Variants in SANBR observed in about 807,000 individuals in gnomAD.
SANBR encodes the protein SANT and BTB domain regulator of class switch recombination.
Under a neutral mutation model 101.8 loss-of-function variants are expected in SANBR, and 77 were observed. The observed-to-expected ratio is 0.76, with a 90% CI of 0.63 to 0.91. The LOEUF is 0.91. Ranked by LOEUF, SANBR falls within the 40% of genes least tolerant of loss-of-function variation. The pLI is 0.00. For missense variants in SANBR, 875 were observed against 853.0 expected, an observed-to-expected ratio of 1.03 and a Z score of -0.32; for synonymous variants, 279 against 274.7, an observed-to-expected ratio of 1.02 and a Z score of -0.15.
At chr2:61,068,509 T>G (rs1681296571) in intron 1 of SANBR, among the ~76,000 whole-genome samples, 1 of 152,204 alleles carries the variant, frequency 6.6e-6, no homozygotes, top group Non-Finnish European at 1.5e-5. Context: ...ATAGTATTAT[T>G]TAATCCTCAC....
In SANBR at chr2:61,071,637, G is replaced by A. The variant is rs939535102; in HGVS notation, c.182G>A (p.Ser61Asn). ...AAAAGGTTTGATGAATTAAAGAGCA[G>A]TGGAAGCTCGCCTGTTGACAACCAG... ...CAKRFDELKSSGSSPVDNQYN... is the reference protein window; with the variant it reads ...CAKRFDELKSNGSSPVDNQYN... The change falls in exon 4 of 22, where the codon AGT (serine) becomes AAT (asparagine). Residue 61 changes from serine to asparagine, a missense_variant. Ser to Asn is a conservative substitution (Grantham distance 46, BLOSUM62 1). Coordinates refer to ENST00000402291, the MANE Select transcript of SANBR (RefSeq NM_001129993.3). 5.5e-5 allele frequency: 86 copies of A among 1,577,338 alleles called. No homozygotes were observed. Among genetic ancestry groups the A allele is most frequent in the Non-Finnish European group, 7.3e-5 (85 of 1,168,592 alleles).
At chr2:61,096,242 C>T (rs1047670832) in intron 11 of SANBR, among the ~76,000 whole-genome samples, 1 of 152,168 alleles carries the variant, frequency 6.6e-6, no homozygotes, top group African/African-American at 2.4e-5. Flanking sequence ...AATGGTGCCC[C>T]CTGCACAGGC....
intron 16 of SANBR, among the ~76,000 whole-genome samples, chr2:61,110,681 A>G (rs1683789175): frequency 1.3e-5 from 2 of 151,942 alleles, no homozygotes; most frequent in African/African-American, 4.8e-5. Flanking sequence ...TCTGTCTCAA[A>G]AAAAAAAAAT....
intron 16 of SANBR, among the ~76,000 whole-genome samples, chr2:61,112,169 G>C (rs895247716): frequency 1.3e-5 from 2 of 152,180 alleles, no homozygotes; most frequent in African/African-American, 4.8e-5. Flanking sequence ...AAGCAGTGGA[G>C]CAGTCCCACC....
rs13407232 is a variant in SANBR at position 61,124,165 on chromosome 2, G to A, written c.*2003G>A. The A allele has an allele frequency of 1.1e-4, 112 of 981,668 alleles. No individual in the cohort carries two copies. The African/African-American group carries it at 1.2e-3, about 11-fold the overall frequency. 60.8% of individuals were successfully genotyped at this position (981,668 alleles called of 1,614,324 possible). A position where few individuals can be genotyped will look rare whatever the true frequency, so the allele number is the denominator to read the frequency against. On this transcript the variant is annotated 3_prime_UTR_variant, in exon 22 of 22. Transcript: ENST00000402291. ...GTCTGTTATACATAGCACTGGTACC[G>A]CAAACATTTTACTTAAACTCTTAAT...
chr2:61,070,596 A>G, intron 3 of SANBR, 96 bp downstream of exon 3: 1 of 1,148,970 alleles, frequency 8.7e-7, no homozygotes, highest in East Asian at 2.6e-5. Flanking sequence ...TTTGAGTTTT[A>G]CATATTCAAA....
chr2:61,118,109 C>G lies in SANBR; in HGVS notation c.2021C>G (p.Ala674Gly). The change falls in exon 20 of 22, where the codon GCA becomes GGA. Residue 674 changes from alanine to glycine, a missense_variant. Ala to Gly is a moderately conservative substitution (Grantham distance 60). Coordinates refer to ENST00000402291, the MANE Select transcript of SANBR (RefSeq NM_001129993.3). The part of the protein sequence containing the change: ...GDLDRVKSKE[A>G]KEFAGGIYSR... ...CTGGACCGAGTCAAGTCAAAGGAAG[C>G]AAAAGAAGTAAGAATTGTGTACTAG... 1 of 1,609,262 alleles carries G rather than the reference C, an allele frequency of 6.2e-7. No individual in the cohort carries two copies. The highest frequency in any genetic ancestry group is 8.5e-7 in the Non-Finnish European group (1 of 1,176,540).
chr2:61,075,530 A>T (rs1301917799), intron 5 of SANBR, among the ~76,000 whole-genome samples: 1 of 152,224 alleles, frequency 6.6e-6, no homozygotes, highest in Non-Finnish European at 1.5e-5. Flanking sequence ...AAGTGCTGGG[A>T]TTGCAGGCGT....
At chr2:61,076,898 T>C in intron 5 of SANBR, 22 bp from the exon 6 acceptor site, 1 of 1,528,348 alleles carries the variant, frequency 6.5e-7, no homozygotes, top group African/African-American at 1.4e-5. Context: ...TAATTTCATT[T>C]TTGTGTAACA....
At chr2:61,101,621 TA>T (rs1210749662) in intron 12 of SANBR, among the ~76,000 whole-genome samples, 26 of 151,698 alleles carry the variant, frequency 1.7e-4, no homozygotes, top group Non-Finnish European at 3.2e-4. Flanking sequence ...TAGTTCCAGC[TA>T]CTCGGGAGGC....
rs561180533 is a variant in SANBR at position 61,122,816 on chromosome 2, T to C, written c.*654T>C. ...TCAGTTTTTAATGCTTATCTATTGA[T>C]CATCTGAGCTGGAATTACTGATTAT... On this transcript the variant is annotated 3_prime_UTR_variant, in exon 22 of 22. Transcript: ENST00000402291. 2.0e-6 allele frequency: 2 copies of C among 985,434 alleles called. No homozygotes were observed. Among genetic ancestry groups the C allele is most frequent in the Admixed American group, 6.1e-5 (1 of 16,276 alleles). 61.0% of individuals were successfully genotyped at this position (985,434 alleles called of 1,614,324 possible).
Position 61,117,527 on chromosome 2 carries a change from A to G in SANBR, c.1926A>G (p.Ala642=), listed in dbSNP as rs762764457. The change falls in exon 19 of 22, where the codon GCA becomes GCG. Residue 642 remains alanine, a synonymous_variant. Coordinates refer to ENST00000402291, the MANE Select transcript of SANBR (RefSeq NM_001129993.3). ...GATCCTTGAGATTCAACCAGGATGC[A>G]CAAAGAGAAGACGGTAAATTTTATT... ...ATRSLRFNQD[A]QREDDQRRMT... 1.9e-6 allele frequency: 3 copies of G among 1,612,994 alleles called. No individual in the cohort carries two copies. The highest frequency in any genetic ancestry group is 2.2e-5 in the East Asian group (1 of 44,846).
chr2:61,081,392 C>G, intron 6 of SANBR, 60 bp from the exon 7 acceptor site: 1 of 1,482,384 alleles, frequency 6.7e-7, no homozygotes, highest in Non-Finnish European at 9.0e-7. Flanking sequence ...AAGAAGGAGC[C>G]TGTTCAGAGG....
intron 12 of SANBR, among the ~76,000 whole-genome samples, chr2:61,098,256 A>G (rs908822817): frequency 1.3e-5 from 2 of 151,834 alleles, no homozygotes; most frequent in Non-Finnish European, 2.9e-5. Context: ...GGCACACGCC[A>G]TCACACCCGG....
At chr2:61,098,690 C>G (rs1683150313) in intron 12 of SANBR, among the ~76,000 whole-genome samples, 1 of 152,126 alleles carries the variant, frequency 6.6e-6, no homozygotes, top group Non-Finnish European at 1.5e-5. Context: ...ATCACAAACA[C>G]TTTTGAAAAT....
chr2:61,105,614 C>A (rs564344650), intron 13 of SANBR, among the ~76,000 whole-genome samples: 5 of 152,058 alleles, frequency 3.3e-5, no homozygotes, highest in African/African-American at 1.2e-4. Flanking sequence ...GAACCACCCG[C>A]CTCTGCCTCC....
chr2:61,101,263 C>T (rs1021093941), intron 12 of SANBR, among the ~76,000 whole-genome samples: 2 of 152,148 alleles, frequency 1.3e-5, no homozygotes, highest in Admixed American at 1.3e-4. Flanking sequence ...ATGTTTGTTT[C>T]AGTAACATGA....
downstream of SANBR, among the ~76,000 whole-genome samples, chr2:61,125,316 G>A (rs935834213): frequency 2.0e-5 from 3 of 152,168 alleles, no homozygotes; most frequent in Non-Finnish European, 4.4e-5. Flanking sequence ...CCCTTTTCCT[G>A]TAACTTGAGT....
downstream of SANBR, among the ~76,000 whole-genome samples, chr2:61,124,703 C>T (rs75089268): frequency 6.8e-4 from 65 of 96,130 alleles, no homozygotes; most frequent in African/African-American, 2.0e-3. Flanking sequence ...AAGACCCTAT[C>T]AAAAAAAAAA....
Sources: gnomAD v4.1 joint callset for allele counts (sites outside exome capture counted in the v4.1 genomes callset) on GRCh38, gnomAD v4.1.1 for gene constraint, MANE v1.5 for transcripts, NCBI Gene and HGNC (gene_info 2026-07-23, HGNC 2026-07-21) for gene names.